FGD1: variants seen among roughly 807,000 people sequenced by gnomAD.
The protein encoded by FGD1 is FYVE, RhoGEF and PH domain containing 1.
In FGD1, 12 loss-of-function variants were observed where a neutral mutation model predicts 65.0. The observed-to-expected ratio is 0.18, with a 90% CI of 0.12 to 0.30. FGD1 has a LOEUF of 0.30. Among genes scored for constraint, FGD1 ranks in the 10% least tolerant of loss-of-function variants. FGD1 has a pLI of 1.00. For missense variants in FGD1, 542 were observed against 837.6 expected (o/e 0.65, Z 4.36); for synonymous variants, 333 against 343.9 (o/e 0.97, Z 0.35).
intron 1 of FGD1, among the ~76,000 whole-genome samples, chrX:54,494,291 A>G (rs1415929609): frequency 3.6e-5 from 4 of 109,826 alleles, no homozygotes; most frequent in Non-Finnish European, 7.6e-5. Context: ...CTGACTCCCA[A>G]GGCCCACCTC....
At chrX:54,456,634 TTTTG>T in intron 8 of FGD1, 67 bp from the exon 9 acceptor site, 1 of 926,931 alleles carries the variant, frequency 1.1e-6, no homozygotes, top group Non-Finnish European at 1.5e-6. Context: ...GGGCTTTGTT[TTTTG>T]TTTTTTTTTT....
rs756672208 is a variant in FGD1 at position 54,468,884 on chromosome X, G to A, written c.1102-8C>T. 2 of 1,162,768 alleles carry A rather than the reference G, an allele frequency of 1.7e-6. No individual in the cohort carries two copies. Among genetic ancestry groups the A allele is most frequent in the Non-Finnish European group, 2.3e-6 (2 of 852,436 alleles). On this transcript the variant is annotated splice_region_variant and splice_polypyrimidine_tract_variant and intron_variant, in intron 4 of 17. Coordinates refer to ENST00000375135, the MANE Select transcript of FGD1 (RefSeq NM_004463.3). ...CTTTTGCTGCACAGTCAACTGGAAA[G>A]GAGAAACAGTAACCCCTGATCCATC...
At chrX:54,479,875 G>A (rs926663353) in intron 1 of FGD1, among the ~76,000 whole-genome samples, 1 of 111,149 alleles carries the variant, frequency 9.0e-6, no homozygotes, top group African/African-American at 3.3e-5. Context: ...CCGCCTTCAA[G>A]GCCAGACTGC....
At chrX:54,477,833 T>G (rs1923053622) in intron 1 of FGD1, among the ~76,000 whole-genome samples, 1 of 111,620 alleles carries the variant, frequency 9.0e-6, no homozygotes, top group Non-Finnish European at 1.9e-5. Flanking sequence ...AAAAATGACT[T>G]GTTGGGCCAG....
At chrX:54,446,554 A>G in intron 17 of FGD1, 140 bp from the exon 18 acceptor site, 1 of 540,981 alleles carries the variant, frequency 1.8e-6, no homozygotes, top group Non-Finnish European at 3.0e-6. Context: ...CCGTGGCTCC[A>G]GTGTTATCAA....
intron 1 of FGD1, among the ~76,000 whole-genome samples, chrX:54,474,728 T>C (rs59158155): frequency 0.16 from 17,815 of 111,934 alleles, 2,254 homozygotes; most frequent in African/African-American, 0.43. Flanking sequence ...CAGGCGGAGA[T>C]GTGGTTGGAG....
In FGD1 at chrX:54,449,665, G is replaced by A. The variant is rs1366111292; in HGVS notation, c.2142C>T (p.Asn714=). The change falls in exon 14 of 18, where the codon AAC becomes AAT. Residue 714 remains asparagine (N), a synonymous_variant. Coordinates refer to ENST00000375135, the MANE Select transcript of FGD1 (RefSeq NM_004463.3). ...TNREDEDTPP[N]SPNVDLGKRA... ...AGAGGGCGGGGACTCTTACTGGAGA[G>A]TTGGGTGGGGTGTCTTCATCTTCCC... 8.4e-7 allele frequency: 1 copy of A among 1,185,082 alleles called. No individual in the cohort carries two copies. The highest frequency in any genetic ancestry group is 3.0e-5 in the East Asian group (1 of 33,584).
In FGD1 at chrX:54,483,061, C is replaced by T. The variant is rs138221128; in HGVS notation, c.308-11574G>A. ...GGGTGAGATGACTTGCCCAAGGTCACGTGACACTTTAGAAAGTGGCGGACC... is the reference window on the plus strand; with the variant it reads ...GGGTGAGATGACTTGCCCAAGGTCATGTGACACTTTAGAAAGTGGCGGACC... On this transcript the variant is annotated intron_variant, in intron 1 of 17. Coordinates refer to ENST00000375135, the MANE Select transcript of FGD1 (RefSeq NM_004463.3). Among the ~76,000 whole-genome samples the T allele has an allele frequency of 3.0e-3, 338 of 111,955 alleles. 3 individuals are homozygous for T. The highest frequency in any genetic ancestry group is 0.011 in the African/African-American group (325 of 30,843).
chrX:54,483,425 C>T (rs759281358), intron 1 of FGD1, among the ~76,000 whole-genome samples: 125 of 112,217 alleles, frequency 1.1e-3, no homozygotes, highest in African/African-American at 3.8e-3. Context: ...CAGGCCCTGG[C>T]GGGCGGAAGG....
chrX:54,495,334 C>T lies in FGD1; in HGVS notation c.99G>A (p.Ser33=), dbSNP rs1424294775. ...GTCCGGGTTCCGAGGCTCCAGGGTCCGAGTCGGCACAGGCCGGCGGAGCGG... is the reference window on the plus strand; with the variant it reads ...GTCCGGGTTCCGAGGCTCCAGGGTCTGAGTCGGCACAGGCCGGCGGAGCGG... ...PGAAPPACAD[S]DPGASEPGLL... is the part of the protein sequence containing the mutation. Residue 33 remains serine, a synonymous_variant, in exon 1 of 18, where the codon TCG becomes TCA. Coordinates refer to ENST00000375135, the MANE Select transcript of FGD1 (RefSeq NM_004463.3). 1 of 1,164,230 alleles carries T rather than the reference C, an allele frequency of 8.6e-7. No homozygotes were observed.
At chrX:54,488,269 CAAAAAAAA>C (rs57920117) in intron 1 of FGD1, among the ~76,000 whole-genome samples, 1 of 5,462 alleles carries the variant, frequency 1.8e-4, no homozygotes, top group Non-Finnish European at 3.6e-4. Flanking sequence ...GACTCAGTCT[CAAAAAAAA>C]AAAAAAAAAA....
rs764821000 is a variant in FGD1, at chrX:54,470,294, C to T, written c.823G>A (p.Gly275Ser). 1.7e-6 allele frequency: 2 copies of T among 1,204,227 alleles called. No individual in the cohort carries two copies. Among genetic ancestry groups the T allele is most frequent in the African/African-American group, 1.7e-5 (1 of 57,263 alleles). ...LFLLAPGPRD[G>S]EKVPNRDSGI... is the part of the protein sequence containing the mutation. ...CTGTCCCGGTTGGGCACCTTCTCAC[C>T]GTCCCGGGGCCCAGGAGCCAGCAGA... The change falls in exon 4 of 18, where the codon GGT becomes AGT. Residue 275 changes from glycine (G) to serine (S), a missense_variant. Coordinates refer to ENST00000375135, the MANE Select transcript of FGD1 (RefSeq NM_004463.3).
At chrX:54,479,209 G>A (rs963417972) in intron 1 of FGD1, among the ~76,000 whole-genome samples, 2 of 112,309 alleles carry the variant, frequency 1.8e-5, no homozygotes, top group Non-Finnish European at 3.8e-5. Flanking sequence ...TGTGTCTGAG[G>A]ACAAGGGCTC....
intron 1 of FGD1, among the ~76,000 whole-genome samples, chrX:54,485,723 A>T (rs1217161410): frequency 9.0e-6 from 1 of 110,627 alleles, no homozygotes; most frequent in African/African-American, 3.3e-5. Context: ...CTCCCCTATC[A>T]GCCTCCGAAA....
At chrX:54,484,229 TTCAGGTC>T (rs763827866) in intron 1 of FGD1, among the ~76,000 whole-genome samples, 4 of 111,955 alleles carry the variant, frequency 3.6e-5, no homozygotes, top group Non-Finnish European at 7.5e-5. Flanking sequence ...CTATTTATCC[TTCAGGTC>T]TCAACTCAAA....
At chrX:54,467,563 C>T (rs913096185) in intron 6 of FGD1, among the ~76,000 whole-genome samples, 12 of 110,898 alleles carry the variant, frequency 1.1e-4, no homozygotes, top group Non-Finnish European at 2.3e-4. Flanking sequence ...GCCATGTTGG[C>T]CAGGCTGTTC....
At chrX:54,482,560 G>A (rs1260040547) in intron 1 of FGD1, among the ~76,000 whole-genome samples, 3 of 111,971 alleles carry the variant, frequency 2.7e-5, no homozygotes, top group Non-Finnish European at 3.8e-5. Context: ...AGGCAAAGCC[G>A]CTAGGGGGAT....
chrX:54,450,777 G>A (rs918624038), intron 12 of FGD1, among the ~76,000 whole-genome samples: 1 of 111,398 alleles, frequency 9.0e-6, no homozygotes. Context: ...GCCGGGTGTG[G>A]GTGGCTCACA....
chrX:54,464,108 C>T (rs1397212968), intron 8 of FGD1, among the ~76,000 whole-genome samples: 6 of 106,835 alleles, frequency 5.6e-5, no homozygotes, highest in Admixed American at 2.0e-4. Context: ...ATTACAGGCA[C>T]CCACCACCAC....
Sources: gnomAD v4.1 joint callset for allele counts (sites outside exome capture counted in the v4.1 genomes callset) on GRCh38, gnomAD v4.1.1 for gene constraint, MANE v1.5 for transcripts, NCBI Gene and HGNC (gene_info 2026-07-23, HGNC 2026-07-21) for gene names.